SBF2: variants seen among roughly 807,000 people sequenced by gnomAD.
SBF2 encodes SET binding factor 2.
A neutral mutation model predicts 225.2 loss-of-function variants in SBF2; 112 were observed. That is an observed-to-expected ratio of 0.50 (90% CI 0.43 to 0.58). The LOEUF (loss-of-function observed/expected upper bound fraction) is 0.58, where lower values mean the gene tolerates loss of function less well. SBF2 is among the 20% of genes least tolerant of loss of function. The pLI is 0.00. For synonymous variants in SBF2, 763 were observed against 773.3 expected, an observed-to-expected ratio of 0.99 and a Z score of 0.22; for missense variants, 1,996 against 2,206.2, an observed-to-expected ratio of 0.90 and a Z score of 1.91.
At chr11:9,911,070 AAAAC>A (rs959235153) in intron 16 of SBF2, among the ~76,000 whole-genome samples, 5 of 147,378 alleles carry the variant, frequency 3.4e-5, no homozygotes, top group African/African-American at 1.3e-4. Context: ...AAAAACAAAA[AAAAC>A]AAAAAAAACA....
chr11:10,111,709 C>T (rs1952858007), intron 2 of SBF2, among the ~76,000 whole-genome samples: 1 of 152,156 alleles, frequency 6.6e-6, no homozygotes, highest in African/African-American at 2.4e-5. Context: ...AACCGCATCT[C>T]TACTAAAAAT....
intron 1 of SBF2, among the ~76,000 whole-genome samples, chr11:10,272,746 C>G (rs36170347): frequency 6.6e-6 from 1 of 151,390 alleles, no homozygotes; most frequent in African/African-American, 2.4e-5. Context: ...GCCTGGGCAA[C>G]AGAGCCAGAC....
intron 13 of SBF2, among the ~76,000 whole-genome samples, chr11:9,977,570 G>A (rs1246918769): frequency 3.3e-5 from 5 of 152,004 alleles, no homozygotes; most frequent in Non-Finnish European, 5.9e-5. Flanking sequence ...TGAAGATTCT[G>A]AAAGCCAAAA....
chr11:9,841,257 T>A (rs927290159), intron 25 of SBF2, among the ~76,000 whole-genome samples: 3 of 152,166 alleles, frequency 2.0e-5, no homozygotes, highest in African/African-American at 7.2e-5. Context: ...CAAAGAACAT[T>A]ATATAATTTG....
chr11:10,019,476 T>C (rs1051715867), intron 6 of SBF2, among the ~76,000 whole-genome samples: 5 of 152,228 alleles, frequency 3.3e-5, no homozygotes, highest in African/African-American at 1.2e-4. Context: ...ATGCCATTAT[T>C]AGTAATAGTT....
At chr11:10,014,505 T>TAAAAAA (rs1181315538) in intron 6 of SBF2, among the ~76,000 whole-genome samples, 67 of 70,708 alleles carry the variant, frequency 9.5e-4, no homozygotes, top group South Asian at 1.9e-3. Flanking sequence ...CCATTTCAAC[T>TAAAAAA]AAAAAAAAAA....
intron 19 of SBF2, among the ~76,000 whole-genome samples, chr11:9,856,095 T>C (rs990159693): frequency 2.6e-5 from 4 of 152,076 alleles, no homozygotes; most frequent in African/African-American, 9.7e-5. Context: ...GACTACAAGG[T>C]TGAGGAAAAG....
intron 18 of SBF2, among the ~76,000 whole-genome samples, chr11:9,856,943 A>G (rs2134002760): frequency 1.3e-5 from 2 of 152,014 alleles, no homozygotes; most frequent in East Asian, 3.9e-4. Context: ...ACCTGCCACC[A>G]CGCCCAGCTA....
At position 10,271,824 on chromosome 11, in the gene SBF2, T is replaced by C. The variant is rs1466958346; in HGVS notation, c.55+22191A>G. Among the ~76,000 whole-genome samples the C allele has an allele frequency of 6.3e-5, 7 of 111,914 alleles. 1 individual carries two copies. Among genetic ancestry groups the C allele is most frequent in the African/African-American group, 2.0e-4 (7 of 34,498 alleles). 73.4% of individuals were successfully genotyped at this position (111,914 alleles called of 152,430 possible). ...TTGTTTATCTTATGTATAAAAGTAC[T>C]TGCACAAAAAAACAAGCAGTTATTA... On this transcript the variant is annotated intron_variant, in intron 1 of 39. Transcript: ENST00000256190.
At chr11:9,957,776 A>T (rs1866275337) in intron 16 of SBF2, 2 of 152,098 alleles carry the variant, frequency 1.3e-5, no homozygotes, top group Admixed American at 6.5e-5. Flanking sequence ...TTACATTTAA[A>T]TATAAAAACA....
intron 2 of SBF2, among the ~76,000 whole-genome samples, chr11:10,049,894 T>C (rs902383537): frequency 6.6e-6 from 1 of 152,310 alleles, no homozygotes; most frequent in Non-Finnish European, 1.5e-5. Flanking sequence ...AACAAACTTC[T>C]TTCGTGAATA....
intron 1 of SBF2, among the ~76,000 whole-genome samples, chr11:10,211,154 C>T (rs1018988722): frequency 6.6e-6 from 1 of 151,894 alleles, no homozygotes; most frequent in African/African-American, 2.4e-5. Context: ...CACTGGTATC[C>T]AGTATTTAGA....
intron 2 of SBF2, among the ~76,000 whole-genome samples, chr11:10,172,305 T>C (rs1441718200): frequency 6.6e-6 from 1 of 152,170 alleles, no homozygotes; most frequent in African/African-American, 2.4e-5. Flanking sequence ...GTTTTCACTA[T>C]ATTCCATAGG....
chr11:9,841,008 A>T (rs1856096332), intron 25 of SBF2, among the ~76,000 whole-genome samples: 1 of 151,868 alleles, frequency 6.6e-6, no homozygotes, highest in Non-Finnish European at 1.5e-5. Flanking sequence ...TTACTTCCCT[A>T]TTTATTTTGA....
intron 16 of SBF2, among the ~76,000 whole-genome samples, chr11:9,942,320 T>C (rs1466989799): frequency 6.6e-6 from 1 of 152,200 alleles, no homozygotes; most frequent in Non-Finnish European, 1.5e-5. Context: ...CCCAAGGTGC[T>C]GGGACTACAG....
At chr11:9,786,013 C>T (rs1275761866) in intron 36 of SBF2, among the ~76,000 whole-genome samples, 3 of 152,042 alleles carry the variant, frequency 2.0e-5, no homozygotes, top group Admixed American at 6.5e-5. Context: ...ATTACAGGCA[C>T]ACACTACCAT....
Position 9,778,736 on chromosome 11 carries a change from A to G in SBF2, c.*1682T>C, listed in dbSNP as rs954788358. 6.6e-6 allele frequency: 1 copy of G among 152,662 alleles called. No homozygotes were observed. Among genetic ancestry groups the G allele is most frequent in the African/African-American group, 2.4e-5 (1 of 41,454 alleles). 9.5% of individuals were successfully genotyped at this position (152,662 alleles called of 1,614,324 possible). On this transcript the variant is annotated 3_prime_UTR_variant, in exon 40 of 40. Transcript: ENST00000256190. Reference sequence around the variant, plus strand: ...TGAATCCTGAGTGTTACCCTCCTGAATGCTGTGCACTACAGAATGAACTTT... The same window carrying G: ...TGAATCCTGAGTGTTACCCTCCTGAGTGCTGTGCACTACAGAATGAACTTT...
In SBF2 at chr11:10,271,196, C is replaced by CTTTTT; in HGVS notation, c.55+22814_55+22818dup. ...AAAACCAAGGACAGCAATCTTGATT[C>CTTTTT]TTTTTTTTTTTTTTTTTTGAAGTTA... On this transcript the variant is annotated intron_variant, in intron 1 of 39. Coordinates refer to ENST00000256190, the MANE Select transcript of SBF2 (RefSeq NM_030962.4). Among the ~76,000 whole-genome samples the CTTTTT allele has an allele frequency of 2.5e-5, 2 of 81,062 alleles. 1 individual carries two copies. The highest frequency in any genetic ancestry group is 8.1e-5 in the African/African-American group (2 of 24,568). The allele number at this position is 81,062 out of a possible 152,430, so 53.2% of individuals were successfully genotyped here.
intron 2 of SBF2, among the ~76,000 whole-genome samples, chr11:10,084,502 C>T (rs1951483865): frequency 6.6e-6 from 1 of 152,090 alleles, no homozygotes; most frequent in Non-Finnish European, 1.5e-5. Context: ...TTAGCACAAC[C>T]TCTGTAGAAA....
Sources: gnomAD v4.1 joint callset for allele counts (sites outside exome capture counted in the v4.1 genomes callset) on GRCh38, gnomAD v4.1.1 for gene constraint, MANE v1.5 for transcripts, NCBI Gene and HGNC (gene_info 2026-07-23, HGNC 2026-07-21) for gene names.